Variants in TMTC1 observed in about 807,000 individuals in gnomAD.
TMTC1 encodes the protein transmembrane O-mannosyltransferase targeting cadherins 1, also known as protein O-mannosyl-transferase TMTC1.
In TMTC1, 73 loss-of-function variants were observed where a neutral mutation model predicts 104.8. The ratio of observed to expected loss-of-function variants is 0.70; its 90% CI spans 0.58 to 0.85. The LOEUF is 0.85. Among genes scored for constraint, TMTC1 ranks in the 40% least tolerant of loss-of-function variants. The probability of loss-of-function intolerance (pLI) is 0.00; values close to 1 mark genes in which losing one functional copy is unlikely to be tolerated. For missense variants in TMTC1, 1,035 were observed against 1,096.1 expected (o/e 0.94, Z 0.79); for synonymous variants, 434 against 428.7 (o/e 1.01, Z -0.15).
intron 5 of TMTC1, among the ~76,000 whole-genome samples, chr12:29,742,880 C>T (rs1314356717): frequency 6.6e-6 from 1 of 152,158 alleles, no homozygotes; most frequent in African/African-American, 2.4e-5. Context: ...AATGAGGTAA[C>T]CACATACCAT....
At chr12:29,680,889 G>A (rs910044338) in intron 5 of TMTC1, among the ~76,000 whole-genome samples, 7 of 152,116 alleles carry the variant, frequency 4.6e-5, no homozygotes, top group Admixed American at 2.6e-4. Flanking sequence ...CTTGAGGCCA[G>A]GAGTTCGAGA....
chr12:29,695,650 C>T (rs1418719203), intron 5 of TMTC1, among the ~76,000 whole-genome samples: 1 of 151,750 alleles, frequency 6.6e-6, no homozygotes, highest in Non-Finnish European at 1.5e-5. Context: ...TTTGGGGAGC[C>T]ACTACTTAAT....
At chr12:29,571,603 C>G (rs938069624) in intron 9 of TMTC1, among the ~76,000 whole-genome samples, 4 of 151,882 alleles carry the variant, frequency 2.6e-5, no homozygotes, top group African/African-American at 9.7e-5. Context: ...CACACACACA[C>G]ACACAATTAA....
At chr12:29,615,480 C>T (rs1361599704) in intron 6 of TMTC1, among the ~76,000 whole-genome samples, 2 of 152,102 alleles carry the variant, frequency 1.3e-5, no homozygotes, top group African/African-American at 2.4e-5. Context: ...GAAAAAAATA[C>T]CTGTAGAGAG....
At chr12:29,585,152 T>A (rs1240610818) in intron 7 of TMTC1, among the ~76,000 whole-genome samples, 1 of 151,492 alleles carries the variant, frequency 6.6e-6, no homozygotes, top group Non-Finnish European at 1.5e-5. Context: ...TGAGATGGTA[T>A]CTCATTGTGG....
At position 29,629,963 on chromosome 12, in the gene TMTC1, C is replaced by T. The variant is rs146274597; in HGVS notation, c.1128+3184G>A. ...CTTTTACCTATTTGCAATATTTAAT[C>T]GTTTTTTATACTTTATTGAGGTAAA... On this transcript the variant is annotated intron_variant, in intron 6 of 17. Transcript: ENST00000539277. 3.7e-3 allele frequency among the ~76,000 whole-genome samples: 569 copies of T among 152,098 alleles called. 5 individuals are homozygous for T. The highest frequency in any genetic ancestry group is 0.013 in the African/African-American group (534 of 41,498).
At chr12:29,621,694 C>T (rs1156403741) in intron 6 of TMTC1, among the ~76,000 whole-genome samples, 2 of 152,182 alleles carry the variant, frequency 1.3e-5, no homozygotes, top group Non-Finnish European at 2.9e-5. Context: ...AGAGAGCTCA[C>T]AGGCTGACAT....
rs577634752 is a variant in TMTC1 at position 29,697,612 on chromosome 12, G to C, written c.938+54054C>G. ...AATCTGCATGGCAGGCTGGCAGGCTGATCTCGCTCCAGGAGAGCCAGGGTT... is the reference window on the plus strand; with the variant it reads ...AATCTGCATGGCAGGCTGGCAGGCTCATCTCGCTCCAGGAGAGCCAGGGTT... On this transcript the variant is annotated intron_variant, in intron 5 of 17. Coordinates refer to ENST00000539277, the MANE Select transcript of TMTC1 (RefSeq NM_001193451.2). Among the ~76,000 whole-genome samples, 192 of 152,298 alleles carry C rather than the reference G, an allele frequency of 1.3e-3. 2 individuals are homozygous for C. The highest frequency in any genetic ancestry group is 3.4e-3 in the African/African-American group (141 of 41,566).
At chr12:29,576,381 C>A (rs1945823298) in intron 8 of TMTC1, among the ~76,000 whole-genome samples, 1 of 152,052 alleles carries the variant, frequency 6.6e-6, no homozygotes, top group Non-Finnish European at 1.5e-5. Flanking sequence ...ATGGAAACAA[C>A]CTGAGTGTCT....
intron 6 of TMTC1, among the ~76,000 whole-genome samples, chr12:29,619,922 T>C (rs1344660840): frequency 6.6e-6 from 1 of 152,186 alleles, no homozygotes; most frequent in Non-Finnish European, 1.5e-5. Context: ...AGAAGCTCCC[T>C]GTCACTCAAG....
intron 7 of TMTC1, among the ~76,000 whole-genome samples, chr12:29,592,276 C>T (rs1946301725): frequency 6.6e-6 from 1 of 152,116 alleles, no homozygotes; most frequent in Admixed American, 6.6e-5. Flanking sequence ...CATTTCTCCC[C>T]TCGTTTTTTA....
intron 11 of TMTC1, among the ~76,000 whole-genome samples, chr12:29,523,359 T>C (rs1306704475): frequency 1.3e-5 from 2 of 152,164 alleles, no homozygotes; most frequent in East Asian, 1.9e-4. Flanking sequence ...AGAAGTGAGG[T>C]ACAGAAATGG....
intron 5 of TMTC1, among the ~76,000 whole-genome samples, chr12:29,734,820 C>T (rs566259383): frequency 8.5e-5 from 13 of 152,236 alleles, no homozygotes; most frequent in Non-Finnish European, 1.9e-4. Context: ...ATGACTCCTT[C>T]GGCTTCAAGA....
Position 29,560,656 on chromosome 12 carries a change from A to G in TMTC1, c.1533-3656T>C, listed in dbSNP as rs76755642. Reference sequence around the variant, plus strand: ...AACATACATATAGAGATGTGGTTCTATGAGCTGAAGAAAAATTTGTGTTCA... The same window carrying G: ...AACATACATATAGAGATGTGGTTCTGTGAGCTGAAGAAAAATTTGTGTTCA... On this transcript the variant is annotated intron_variant, in intron 9 of 17. Transcript: ENST00000539277. Among the ~76,000 whole-genome samples the G allele has an allele frequency of 4.3e-4, 66 of 152,322 alleles. 2 individuals carry two copies. The East Asian group carries it at 0.01, about 24-fold the overall frequency.
chr12:29,511,384 C>A (rs1312621471), intron 17 of TMTC1, among the ~76,000 whole-genome samples: 1 of 152,062 alleles, frequency 6.6e-6, no homozygotes, highest in African/African-American at 2.4e-5. Context: ...CAGTGCCTAG[C>A]AGGGGATATG....
chr12:29,732,134 G>C (rs1057035384), intron 5 of TMTC1, among the ~76,000 whole-genome samples: 3 of 151,958 alleles, frequency 2.0e-5, no homozygotes, highest in Non-Finnish European at 4.4e-5. Context: ...CATAATAAAG[G>C]TTACCAATAC....
At chr12:29,777,505 C>T (rs768522291) in intron 1 of TMTC1, among the ~76,000 whole-genome samples, 1 of 152,098 alleles carries the variant, frequency 6.6e-6, no homozygotes, top group Admixed American at 6.6e-5. Flanking sequence ...TAGACTGCTT[C>T]GGAAGGTGAT....
chr12:29,743,097 C>T (rs1942868538), intron 5 of TMTC1, among the ~76,000 whole-genome samples: 1 of 152,208 alleles, frequency 6.6e-6, no homozygotes, highest in African/African-American at 2.4e-5. Context: ...TGTACTACCT[C>T]ATTTGTTTTT....
intron 1 of TMTC1, among the ~76,000 whole-genome samples, chr12:29,778,303 A>G (rs1364400749): frequency 6.6e-6 from 1 of 152,116 alleles, no homozygotes; most frequent in Non-Finnish European, 1.5e-5. Context: ...TTGTTGAAGC[A>G]GACTTCCACC....
Sources: allele counts gnomAD v4.1 joint callset (sites outside exome capture counted in the v4.1 genomes callset), GRCh38; gene constraint gnomAD v4.1.1; transcripts MANE v1.5; gene names NCBI Gene and HGNC (gene_info 2026-07-23, HGNC 2026-07-21).